Variants in PTPRO observed in about 807,000 individuals in gnomAD.
PTPRO encodes the protein protein tyrosine phosphatase receptor type O, also known as receptor-type tyrosine-protein phosphatase O.
PTPRO carries 62 observed loss-of-function variants against 145.2 expected under a neutral mutation model. That is an observed-to-expected ratio of 0.43 (90% confidence interval 0.35 to 0.53). The LOEUF (loss-of-function observed/expected upper bound fraction) is 0.53, where lower values mean the gene tolerates loss of function less well. Ranked by LOEUF, PTPRO falls within the 20% of genes least tolerant of loss-of-function variation. PTPRO has a pLI of 0.01. For missense variants in PTPRO, 1,345 were observed against 1,482.7 expected, an observed-to-expected ratio of 0.91 and a Z score of 1.53; for synonymous variants, 565 against 514.7, an observed-to-expected ratio of 1.10 and a Z score of -1.32.
chr12:15,582,992 G>A (rs1944353208), intron 23 of PTPRO, among the ~76,000 whole-genome samples: 2 of 152,148 alleles, frequency 1.3e-5, no homozygotes, highest in African/African-American at 4.8e-5. Flanking sequence ...ACTATTAATA[G>A]TCTTCTCCAC....
chr12:15,581,930 G>A, intron 23 of PTPRO, 129 bp downstream of exon 23: 1 of 1,272,008 alleles, frequency 7.9e-7, no homozygotes, highest in Non-Finnish European at 1.1e-6. Flanking sequence ...ATCGAGTGTG[G>A]AGTGGGAAAT....
intron 1 of PTPRO, among the ~76,000 whole-genome samples, chr12:15,481,265 A>G (rs1246589213): frequency 1.3e-5 from 2 of 152,202 alleles, no homozygotes; most frequent in African/African-American, 2.4e-5. Flanking sequence ...ACATTGCTCA[A>G]TGTTAGAAAC....
intron 1 of PTPRO, among the ~76,000 whole-genome samples, chr12:15,431,398 A>C (rs1399829821): frequency 6.6e-6 from 1 of 152,202 alleles, no homozygotes; most frequent in Non-Finnish European, 1.5e-5. Context: ...ATAATTATTT[A>C]TCTTCCTTCA....
At position 15,384,533 on chromosome 12, in the gene PTPRO, A is replaced by C. The variant is rs990969413; in HGVS notation, c.75+61732A>C. On this transcript the variant is annotated intron_variant, in intron 1 of 26. Coordinates refer to ENST00000281171, the MANE Select transcript of PTPRO (RefSeq NM_030667.3). ...CTGAATTCTCACATGGCAGAGATAG[A>C]GACTTCTCTCTCTCTTCCTTTTCTT... Among the ~76,000 whole-genome samples, 20 of 152,184 alleles carry C rather than the reference A, an allele frequency of 1.3e-4. 1 individual carries two copies. Among genetic ancestry groups the C allele is most frequent in the Non-Finnish European group, 8.8e-5 (6 of 68,026 alleles).
At chr12:15,427,065 T>A (rs186979211) in intron 1 of PTPRO, among the ~76,000 whole-genome samples, 2 of 152,184 alleles carry the variant, frequency 1.3e-5, no homozygotes, top group Non-Finnish European at 2.9e-5. Context: ...TTGGATGTGG[T>A]CTTACATTTA....
intron 1 of PTPRO, among the ~76,000 whole-genome samples, chr12:15,373,170 T>C (rs748365626): frequency 5.3e-5 from 8 of 152,146 alleles, no homozygotes; most frequent in Non-Finnish European, 1.0e-4. Flanking sequence ...CTAGGTAAAG[T>C]GGTATAGGGG....
At chr12:15,533,615 T>C (rs761459868) in intron 12 of PTPRO, among the ~76,000 whole-genome samples, 38 of 152,306 alleles carry the variant, frequency 2.5e-4, no homozygotes, top group Non-Finnish European at 4.6e-4. Flanking sequence ...TGAAATAATA[T>C]CTTGCTTTAG....
chr12:15,533,851 T>C (rs10846193), intron 12 of PTPRO, among the ~76,000 whole-genome samples: 62,213 of 151,994 alleles, frequency 0.41, 12,976 homozygotes, highest in Admixed American at 0.47. Context: ...AACCTGCAGT[T>C]CAATTTATCT....
At chr12:15,497,142 C>A in intron 2 of PTPRO, 103 bp from the exon 3 acceptor site, 1 of 1,065,820 alleles carries the variant, frequency 9.4e-7, no homozygotes, top group Admixed American at 1.7e-5. Context: ...GAAAATTATG[C>A]GTGAATTTCT....
chr12:15,504,099 A>T (rs779355979), intron 6 of PTPRO, 30 bp downstream of exon 6: 1 of 1,583,032 alleles, frequency 6.3e-7, no homozygotes, highest in Admixed American at 1.7e-5. Flanking sequence ...TTTTACACTT[A>T]CTGGGGAGCT....
At chr12:15,393,475 T>C (rs1396970196) in intron 1 of PTPRO, among the ~76,000 whole-genome samples, 1 of 152,210 alleles carries the variant, frequency 6.6e-6, no homozygotes, top group African/African-American at 2.4e-5. Context: ...GTAGATTCGA[T>C]AATATCCAGC....
At chr12:15,455,597 C>G (rs1271760504) in intron 1 of PTPRO, among the ~76,000 whole-genome samples, 1 of 151,962 alleles carries the variant, frequency 6.6e-6, no homozygotes, top group African/African-American at 2.4e-5. Context: ...GTATTTTATT[C>G]TTTTTAATGT....
intron 1 of PTPRO, among the ~76,000 whole-genome samples, chr12:15,449,057 C>T (rs954369694): frequency 7.9e-5 from 12 of 151,900 alleles, no homozygotes; most frequent in African/African-American, 2.4e-4. Context: ...AATAGGGCAT[C>T]CCCCAGAATC....
At chr12:15,519,849 G>T (rs1942677103) in intron 9 of PTPRO, among the ~76,000 whole-genome samples, 1 of 152,170 alleles carries the variant, frequency 6.6e-6, no homozygotes, top group South Asian at 2.1e-4. Context: ...AAAAAACACT[G>T]AGTTGTGAGA....
chr12:15,401,700 A>G (rs372532508), intron 1 of PTPRO, among the ~76,000 whole-genome samples: 2 of 152,194 alleles, frequency 1.3e-5, no homozygotes, highest in Non-Finnish European at 2.9e-5. Flanking sequence ...TCATAGGTCA[A>G]TTTCATTAGA....
intron 1 of PTPRO, among the ~76,000 whole-genome samples, chr12:15,324,998 G>GA (rs1866407410): frequency 1.3e-5 from 2 of 152,120 alleles, no homozygotes; most frequent in African/African-American, 4.8e-5. Flanking sequence ...TGGAGGATGA[G>GA]AAAAAATTCA....
intron 1 of PTPRO, among the ~76,000 whole-genome samples, chr12:15,443,056 T>A (rs569937357): frequency 3.9e-4 from 59 of 152,184 alleles, no homozygotes; most frequent in African/African-American, 1.4e-3. Flanking sequence ...AGGCATCACA[T>A]TACACAACTT....
At chr12:15,561,457 T>TA (rs1565430158) in intron 17 of PTPRO, among the ~76,000 whole-genome samples, 1 of 152,116 alleles carries the variant, frequency 6.6e-6, no homozygotes, top group South Asian at 2.1e-4. Flanking sequence ...TATCTTCTTT[T>TA]AAAAAAAGAG....
chr12:15,439,430 C>A (rs762726118), intron 1 of PTPRO: 57 of 178,452 alleles, frequency 3.2e-4, no homozygotes, highest in Non-Finnish European at 2.6e-4. Context: ...TCAATATTAA[C>A]CTTAAATTTT....
Sources: allele counts gnomAD v4.1 joint callset (sites outside exome capture counted in the v4.1 genomes callset), GRCh38; gene constraint gnomAD v4.1.1; transcripts MANE v1.5; gene names NCBI Gene and HGNC (gene_info 2026-07-23, HGNC 2026-07-21).